MAP7D2: variants seen among roughly 807,000 people sequenced by gnomAD.
The protein encoded by MAP7D2 is MAP7 domain containing 2, also known as MAP7 domain-containing protein 2.
In MAP7D2, 33 loss-of-function variants were observed where a neutral mutation model predicts 63.5. The ratio of observed to expected loss-of-function variants is 0.52; its 90% CI spans 0.39 to 0.70. The LOEUF is 0.70. MAP7D2 is among the 30% of genes least tolerant of loss of function. The pLI is 0.00. For synonymous variants in MAP7D2, 224 were observed against 223.7 expected (o/e 1.00, Z -0.01); for missense variants, 626 against 604.0 (o/e 1.04, Z -0.38).
In MAP7D2 at chrX:20,116,850, C is replaced by T. The variant is rs756181734; in HGVS notation, c.30G>A (p.Thr10=). ...GCGCAGTCCCCTCAGGCCGGGATCC[C>T]GTCCCGGAGCCGCCGCCGCCGCGCT... MERGGGGSG[T]GSRPEGTARG... Residue 10 remains threonine (T), a synonymous_variant, in exon 1 of 17, where the codon ACG becomes ACA. Coordinates refer to ENST00000379643, the MANE Select transcript of MAP7D2 (RefSeq NM_001168465.2). 1.1e-5 allele frequency: 13 copies of T among 1,154,902 alleles called. No homozygotes were observed. Among genetic ancestry groups the T allele is most frequent in the East Asian group, 3.5e-5 (1 of 28,428 alleles).
chrX:20,048,886 C>A (rs910568867), intron 6 of MAP7D2, among the ~76,000 whole-genome samples: 1 of 110,114 alleles, frequency 9.1e-6, no homozygotes, highest in Non-Finnish European at 1.9e-5. Context: ...CACATCACTG[C>A]ATTCTAGCCA....
At chrX:20,035,636 A>T (rs955384588) in intron 8 of MAP7D2, among the ~76,000 whole-genome samples, 12 of 111,336 alleles carry the variant, frequency 1.1e-4, no homozygotes, top group African/African-American at 3.9e-4. Context: ...CACACCTGTA[A>T]TCTCAGCACT....
intron 10 of MAP7D2, among the ~76,000 whole-genome samples, chrX:20,018,432 A>G (rs900463572): frequency 1.4e-4 from 14 of 100,678 alleles, no homozygotes; most frequent in Non-Finnish European, 2.4e-4. Flanking sequence ...CTCCAGGGAA[A>G]TCTTGTCCTT....
intron 1 of MAP7D2, among the ~76,000 whole-genome samples, chrX:20,095,130 A>T (rs1425483160): frequency 9.0e-6 from 1 of 111,355 alleles, no homozygotes; most frequent in Non-Finnish European, 1.9e-5. Flanking sequence ...GAATATATTT[A>T]AAACGACTGG....
At chrX:20,032,196 C>T (rs1270092136) in intron 8 of MAP7D2, among the ~76,000 whole-genome samples, 1 of 112,215 alleles carries the variant, frequency 8.9e-6, no homozygotes, top group Non-Finnish European at 1.9e-5. Context: ...CTCAAAAATA[C>T]AGGACTGAGT....
chrX:20,094,224 G>A (rs765538528), intron 1 of MAP7D2, among the ~76,000 whole-genome samples: 1 of 107,778 alleles, frequency 9.3e-6, no homozygotes, highest in African/African-American at 3.3e-5. Context: ...GCTAGGGAAG[G>A]GCATGTGACA....
rs745848756 is a variant in MAP7D2, at chrX:20,025,049, T to C, written c.1314A>G (p.Ala438=). ...CAGCCAAGATCTTCGCAGCCTCTCC[T>C]GCATCAGTGGTGCCTGCTGTGGGCT... The part of the protein sequence containing the change: ...LGKPTAGTTD[A]GEAAKILAEK... The change falls in exon 10 of 17, where the codon GCA becomes GCG. Residue 438 remains alanine (A), a synonymous_variant. Coordinates refer to ENST00000379643, the MANE Select transcript of MAP7D2 (RefSeq NM_001168465.2). 2 of 1,209,812 alleles carry C rather than the reference T, an allele frequency of 1.7e-6. No individual in the cohort carries two copies. Among genetic ancestry groups the C allele is most frequent in the South Asian group, 3.5e-5 (2 of 56,839 alleles).
intron 8 of MAP7D2, among the ~76,000 whole-genome samples, chrX:20,041,427 T>C (rs1204184718): frequency 8.9e-6 from 1 of 112,150 alleles, no homozygotes; most frequent in Non-Finnish European, 1.9e-5. Context: ...AACACATCAA[T>C]GGCAGGTATT....
At chrX:20,012,212 C>G in intron 15 of MAP7D2, 137 bp downstream of exon 15, 3 of 443,641 alleles carry the variant, frequency 6.8e-6, no homozygotes, top group Non-Finnish European at 1.1e-5. Flanking sequence ...GAATGTTATA[C>G]CACTGAGAGC....
intron 8 of MAP7D2, among the ~76,000 whole-genome samples, chrX:20,029,919 G>A (rs2073996392): frequency 9.0e-6 from 1 of 111,435 alleles, no homozygotes; most frequent in Non-Finnish European, 1.9e-5. Flanking sequence ...TTTGTACCCT[G>A]TCAGCTGCCC....
intron 1 of MAP7D2, among the ~76,000 whole-genome samples, chrX:20,084,056 C>A (rs1025579730): frequency 9.0e-6 from 1 of 110,777 alleles, no homozygotes; most frequent in Non-Finnish European, 1.9e-5. Context: ...CAAAAATTAG[C>A]CAGGTGTGGT....
intron 8 of MAP7D2, among the ~76,000 whole-genome samples, chrX:20,033,410 C>G (rs2074112371): frequency 8.9e-6 from 1 of 111,998 alleles, no homozygotes; most frequent in Non-Finnish European, 1.9e-5. Flanking sequence ...CTGGACAAAT[C>G]CACTTGGCCA....
intron 6 of MAP7D2, among the ~76,000 whole-genome samples, chrX:20,045,482 G>A (rs1248376085): frequency 2.2e-5 from 2 of 90,739 alleles, no homozygotes; most frequent in Non-Finnish European, 2.1e-5. Flanking sequence ...AGTCAAGATC[G>A]CGCCACTACA....
intron 6 of MAP7D2, among the ~76,000 whole-genome samples, chrX:20,050,160 A>G (rs1468913244): frequency 9.0e-6 from 1 of 111,543 alleles, no homozygotes; most frequent in Non-Finnish European, 1.9e-5. Flanking sequence ...AAATCCTGAC[A>G]TGACGACTTG....
intron 1 of MAP7D2, among the ~76,000 whole-genome samples, chrX:20,102,731 G>C (rs1423774829): frequency 1.0e-5 from 1 of 98,823 alleles, no homozygotes; most frequent in African/African-American, 3.6e-5. Context: ...GCGGTCATGA[G>C]AGATAAAGAA....
intron 10 of MAP7D2, among the ~76,000 whole-genome samples, chrX:20,021,928 T>C (rs962678262): frequency 8.9e-6 from 1 of 112,179 alleles, no homozygotes; most frequent in Non-Finnish European, 1.9e-5. Flanking sequence ...CCTCCTTCTG[T>C]TCCTTTCTTG....
At chrX:20,043,670 A>G (rs2064720442) in intron 7 of MAP7D2, among the ~76,000 whole-genome samples, 1 of 112,564 alleles carries the variant, frequency 8.9e-6, no homozygotes, top group Non-Finnish European at 1.9e-5. Context: ...CAAAGAACCC[A>G]TGAATTAATA....
chrX:20,056,273 G>A (rs1250347527), intron 4 of MAP7D2, among the ~76,000 whole-genome samples: 1 of 112,007 alleles, frequency 8.9e-6, no homozygotes, highest in Non-Finnish European at 1.9e-5. Flanking sequence ...AAATAGTCCA[G>A]CCCTTTTTGG....
intron 1 of MAP7D2, among the ~76,000 whole-genome samples, chrX:20,081,770 A>G (rs945394752): frequency 9.1e-6 from 1 of 109,759 alleles, no homozygotes; most frequent in African/African-American, 3.3e-5. Context: ...CTTGTGCTTC[A>G]GCCTCCTGAG....
Sources: allele counts gnomAD v4.1 joint callset (sites outside exome capture counted in the v4.1 genomes callset), GRCh38; gene constraint gnomAD v4.1.1; transcripts MANE v1.5; gene names NCBI Gene and HGNC (gene_info 2026-07-23, HGNC 2026-07-21).